The following ABHD18 variants were observed in gnomAD, a reference collection of about 807,000 sequenced individuals.
The protein encoded by ABHD18 is cardiolipin-specific deacylase, mitochondrial.
ABHD18 carries 55 observed loss-of-function variants against 65.9 expected under a neutral mutation model. That is an observed-to-expected ratio of 0.84 (90% CI 0.67 to 1.05). The LOEUF is 1.05. Ranked by LOEUF, ABHD18 falls within the 50% of genes least tolerant of loss-of-function variation. ABHD18 has a pLI of 0.00. For synonymous variants in ABHD18, 181 were observed against 180.2 expected, an observed-to-expected ratio of 1.00 and a Z score of -0.04; for missense variants, 533 against 558.5, an observed-to-expected ratio of 0.95 and a Z score of 0.46.
At chr4:127,977,044 GAAA>G (rs920784616) in intron 1 of ABHD18, among the ~76,000 whole-genome samples, 1 of 147,386 alleles carries the variant, frequency 6.8e-6, no homozygotes, top group East Asian at 2.0e-4. Context: ...CCATCTCAGA[GAAA>G]AAAAAAACTA....
intron 6 of ABHD18, among the ~76,000 whole-genome samples, chr4:128,009,922 A>C (rs556640732): frequency 1.3e-5 from 2 of 152,348 alleles, no homozygotes; most frequent in South Asian, 4.1e-4. Context: ...TAAATGTCTA[A>C]AATAGAAATA....
At chr4:127,976,959 TG>T (rs1169737773) in intron 1 of ABHD18, among the ~76,000 whole-genome samples, 1 of 151,868 alleles carries the variant, frequency 6.6e-6, no homozygotes, top group Non-Finnish European at 1.5e-5. Context: ...GAGAATGGCG[TG>T]AACCCGGGAG....
intron 1 of ABHD18, among the ~76,000 whole-genome samples, chr4:127,979,344 A>G (rs1186614006): frequency 6.6e-6 from 1 of 151,970 alleles, no homozygotes; most frequent in Non-Finnish European, 1.5e-5. Context: ...TCACGAGGTC[A>G]GGAAATCGAG....
intron 4 of ABHD18, among the ~76,000 whole-genome samples, chr4:127,997,970 G>A (rs1752024293): frequency 1.3e-5 from 2 of 151,692 alleles, no homozygotes; most frequent in South Asian, 4.2e-4. Flanking sequence ...GCTCACTGCA[G>A]TCTTGAACTC....
chr4:127,984,431 A>G lies in ABHD18; in HGVS notation c.177+8A>G, dbSNP rs981182374. The G allele has an allele frequency of 5.5e-6, 8 of 1,467,166 alleles. No homozygotes were observed. Among genetic ancestry groups the G allele is most frequent in the African/African-American group, 4.2e-5 (3 of 71,662 alleles). The allele number at this position is 1,467,166 out of a possible 1,614,324, so 90.9% of individuals were successfully genotyped here. A position where few individuals can be genotyped will look rare whatever the true frequency, so the allele number is the denominator to read the frequency against. On this transcript the variant is annotated splice_region_variant and intron_variant, in intron 3 of 12. Coordinates refer to ENST00000645843, the MANE Select transcript of ABHD18 (RefSeq NM_001358451.3). ...CCAGTACACATTGATAAGGTATTCA[A>G]ATGAGAGAAACACAGTTATAGGAAT...
At chr4:128,026,331 C>T (rs139091314) in intron 10 of ABHD18, among the ~76,000 whole-genome samples, 114 of 151,990 alleles carry the variant, frequency 7.5e-4, no homozygotes, top group Middle Eastern at 3.4e-3. Context: ...TGGTGGCATG[C>T]GCCTGTAGTC....
chr4:127,990,215 T>C (rs532588624), intron 4 of ABHD18, among the ~76,000 whole-genome samples: 1 of 152,306 alleles, frequency 6.6e-6, no homozygotes, highest in Admixed American at 6.5e-5. Context: ...AAAGGATATA[T>C]ATGAATATAC....
intron 4 of ABHD18, among the ~76,000 whole-genome samples, chr4:127,995,145 G>T (rs1190384405): frequency 6.6e-6 from 1 of 152,208 alleles, no homozygotes; most frequent in East Asian, 1.9e-4. Context: ...CTCCCAAAAT[G>T]CTGGGATTAC....
intron 4 of ABHD18, among the ~76,000 whole-genome samples, chr4:127,995,512 G>C (rs375535616): frequency 6.6e-6 from 1 of 151,970 alleles, no homozygotes; most frequent in Non-Finnish European, 1.5e-5. Context: ...TAATAGACTC[G>C]TGATTTTAAA....
intron 3 of ABHD18, among the ~76,000 whole-genome samples, chr4:127,986,417 A>G (rs1749965259): frequency 6.6e-6 from 1 of 152,240 alleles, no homozygotes; most frequent in African/African-American, 2.4e-5. Context: ...GTATAGCTAA[A>G]TAATATTCTA....
intron 4 of ABHD18, chr4:128,001,710 T>C (rs934570745): frequency 6.5e-7 from 1 of 1,545,318 alleles, no homozygotes; most frequent in African/African-American, 1.4e-5. Context: ...CTTTTCTGTC[T>C]TCCAGGATTA....
intron 1 of ABHD18, among the ~76,000 whole-genome samples, chr4:127,976,261 A>C (rs1371452234): frequency 1.3e-5 from 2 of 152,046 alleles, no homozygotes; most frequent in African/African-American, 4.8e-5. Context: ...CTGTTTTTCT[A>C]TGTCTTTCAA....
chr4:128,034,392 C>A (rs1358070056), intron 12 of ABHD18, among the ~76,000 whole-genome samples: 1 of 151,846 alleles, frequency 6.6e-6, no homozygotes, highest in Non-Finnish European at 1.5e-5. Context: ...ATGTATTATA[C>A]AATAGGAAAA....
Position 128,017,433 on chromosome 4 carries a change from C to G in ABHD18, c.541C>G (p.Leu181Val), listed in dbSNP as rs1173516874. ...GGALVLESAA[L>V]LHWLEREGYG... Reference sequence around the variant, plus strand: ...AGCTCTTGTTTTAGAATCTGCAGCTCTCTTGCACTGGCTAGAGAGGGAAGG... The same window carrying G: ...AGCTCTTGTTTTAGAATCTGCAGCTGTCTTGCACTGGCTAGAGAGGGAAGG... Residue 181 changes from leucine (L) to valine (V), a missense_variant, in exon 8 of 13, where the codon CTC becomes GTC. Leu to Val is a conservative substitution (Grantham distance 32). Around this residue, in one of 3 missense-constraint regions of ABHD18, gnomAD observed 309 missense variants for 313.5 expected, o/e 0.99. Coordinates refer to ENST00000645843, the MANE Select transcript of ABHD18 (RefSeq NM_001358451.3). The G allele has an allele frequency of 6.2e-7, 1 of 1,613,784 alleles. No individual in the cohort carries two copies. The highest frequency in any genetic ancestry group is 8.5e-7 in the Non-Finnish European group (1 of 1,179,796).
At chr4:128,003,970 AAACC>A (rs1392374036) in intron 4 of ABHD18, among the ~76,000 whole-genome samples, 4,171 of 151,278 alleles carry the variant, frequency 0.028, 182 homozygotes, top group African/African-American at 0.097. Flanking sequence ...AAACAAAAAA[AAACC>A]AAACAAACAA....
intron 4 of ABHD18, among the ~76,000 whole-genome samples, chr4:128,001,046 G>C (rs545007108): frequency 6.6e-6 from 1 of 152,300 alleles, no homozygotes; most frequent in Non-Finnish European, 1.5e-5. Context: ...GGCAGAGTCT[G>C]TGGGGTTTTT....
intron 1 of ABHD18, among the ~76,000 whole-genome samples, chr4:127,974,580 C>T (rs944890944): frequency 6.6e-6 from 1 of 150,668 alleles, no homozygotes; most frequent in African/African-American, 2.4e-5. Flanking sequence ...ACCATGTTGC[C>T]CAGGCTGGTC....
chr4:127,998,104 G>A (rs1291690541), intron 4 of ABHD18, among the ~76,000 whole-genome samples: 2 of 151,840 alleles, frequency 1.3e-5, no homozygotes, highest in African/African-American at 4.8e-5. Context: ...GCCCAGGCTG[G>A]TCTTGAATTC....
chr4:127,973,817 CAAAAAAAAAAAAAAA>C (rs57170719), intron 1 of ABHD18, among the ~76,000 whole-genome samples: 2 of 16,610 alleles, frequency 1.2e-4, no homozygotes, highest in East Asian at 3.4e-3. Flanking sequence ...TGATGAACAG[CAAAAAAAAAAAAAAA>C]AAAAAAAAAA....
Sources: allele counts gnomAD v4.1 joint callset (sites outside exome capture counted in the v4.1 genomes callset), GRCh38; gene constraint gnomAD v4.1.1; regional missense constraint gnomAD v4.1.1; transcripts MANE v1.5; gene names NCBI Gene and HGNC (gene_info 2026-07-23, HGNC 2026-07-21).